The following FAM184A variants were observed in gnomAD, a reference collection of about 807,000 sequenced individuals.
The protein encoded by FAM184A is family with sequence similarity 184 member A.
A neutral mutation model predicts 143.8 loss-of-function variants in FAM184A; 99 were observed. The ratio of observed to expected loss-of-function variants is 0.69; its 90% CI spans 0.58 to 0.81. The LOEUF (loss-of-function observed/expected upper bound fraction) is 0.81, where lower values mean the gene tolerates loss of function less well. Ranked by LOEUF, FAM184A falls within the 40% of genes least tolerant of loss-of-function variation. The pLI, the probability that FAM184A is intolerant of heterozygous loss-of-function variation, is 0.00. For missense variants in FAM184A, 1,217 were observed against 1,310.5 expected (o/e 0.93, Z 1.10); for synonymous variants, 427 against 446.4 (o/e 0.96, Z 0.55).
Position 119,002,920 on chromosome 6 carries a change from T to C in FAM184A, c.2067A>G (p.Lys689=), listed in dbSNP as rs1562468513. 27 of 1,611,278 alleles carry C rather than the reference T, an allele frequency of 1.7e-5. No homozygotes were observed. Among genetic ancestry groups the C allele is most frequent in the Non-Finnish European group, 2.0e-5 (23 of 1,179,236 alleles). The change falls in exon 9 of 18, where the codon AAA becomes AAG. Residue 689 remains lysine, a synonymous_variant. Transcript: ENST00000338891. ...KNAARDSWQK[K]VEDLLNQISL... ...TTACCTGGTTTAAGAGATCTTCTAC[T>C]TTCTTCTGCCATGAATCTCTTGCTG...
chr6:119,140,219 G>T (rs574252203), intron 1 of FAM184A, among the ~76,000 whole-genome samples: 87 of 152,334 alleles, frequency 5.7e-4, no homozygotes, highest in Admixed American at 2.7e-3. Context: ...GTTGCCTTGG[G>T]TGTGGTAGGG....
chr6:119,121,705 T>A (rs948287084), intron 1 of FAM184A, among the ~76,000 whole-genome samples: 5 of 152,226 alleles, frequency 3.3e-5, no homozygotes, highest in African/African-American at 4.8e-5. Flanking sequence ...ATCAGCTATA[T>A]CACTTATATC....
At chr6:118,969,371 T>C (rs1583764050) in intron 14 of FAM184A, among the ~76,000 whole-genome samples, 1 of 152,198 alleles carries the variant, frequency 6.6e-6, no homozygotes, top group Non-Finnish European at 1.5e-5. Context: ...AATAGGAAAA[T>C]ATAATTGATT....
intron 1 of FAM184A, among the ~76,000 whole-genome samples, chr6:119,114,753 G>A (rs952455547): frequency 3.3e-5 from 5 of 152,198 alleles, no homozygotes; most frequent in Non-Finnish European, 5.9e-5. Flanking sequence ...TGTTGGCCAG[G>A]CTGGTCTTGA....
At chr6:119,106,387 C>T (rs940709804) in intron 1 of FAM184A, among the ~76,000 whole-genome samples, 6 of 151,984 alleles carry the variant, frequency 3.9e-5, no homozygotes, top group Non-Finnish European at 5.9e-5. Flanking sequence ...AGCGAGACTC[C>T]GTCTCAAAAC....
intron 1 of FAM184A, among the ~76,000 whole-genome samples, chr6:119,137,863 A>G (rs991588725): frequency 6.6e-5 from 10 of 152,206 alleles, no homozygotes; most frequent in African/African-American, 1.9e-4. Flanking sequence ...TCAGCTCCAC[A>G]GCAGTCACTG....
intron 1 of FAM184A, among the ~76,000 whole-genome samples, chr6:119,062,029 C>T (rs1459234607): frequency 2.0e-5 from 3 of 151,996 alleles, no homozygotes; most frequent in Non-Finnish European, 4.4e-5. Context: ...ATGGACTGAA[C>T]TGCTTGAGGC....
intron 3 of FAM184A, among the ~76,000 whole-genome samples, chr6:119,021,887 G>C (rs924595309): frequency 1.2e-4 from 18 of 152,018 alleles, no homozygotes; most frequent in African/African-American, 4.3e-4. Flanking sequence ...GAAGTGGGAG[G>C]ATCACTTGAG....
chr6:119,102,917 C>G (rs948562526), intron 1 of FAM184A, among the ~76,000 whole-genome samples: 7 of 151,776 alleles, frequency 4.6e-5, no homozygotes, highest in Non-Finnish European at 8.8e-5. Flanking sequence ...ATATAGTAGG[C>G]CTTGGTTTTC....
chr6:118,981,527 C>A (rs1031435287), intron 9 of FAM184A, among the ~76,000 whole-genome samples: 1 of 152,052 alleles, frequency 6.6e-6, no homozygotes, highest in African/African-American at 2.4e-5. Flanking sequence ...ACATAAGTTG[C>A]CTCACATGCG....
intron 14 of FAM184A, among the ~76,000 whole-genome samples, chr6:118,969,784 C>G (rs773185483): frequency 1.6e-4 from 24 of 145,572 alleles, no homozygotes; most frequent in Non-Finnish European, 3.5e-4. Flanking sequence ...TCTCCTCATG[C>G]TATCCCTCCC....
intron 1 of FAM184A, among the ~76,000 whole-genome samples, chr6:119,054,576 T>G (rs534463334): frequency 6.6e-6 from 1 of 152,296 alleles, no homozygotes; most frequent in East Asian, 1.9e-4. Context: ...CACTGGGGAT[T>G]AGATTTCAAC....
chr6:118,977,971 T>C (rs1783896680), intron 11 of FAM184A, among the ~76,000 whole-genome samples: 1 of 152,210 alleles, frequency 6.6e-6, no homozygotes, highest in African/African-American at 2.4e-5. Flanking sequence ...TATTTATTTA[T>C]TTATTTTTTG....
At chr6:119,099,925 C>T (rs1326861407) in intron 1 of FAM184A, among the ~76,000 whole-genome samples, 2 of 152,174 alleles carry the variant, frequency 1.3e-5, no homozygotes, top group Non-Finnish European at 2.9e-5. Flanking sequence ...GATTTGGGAT[C>T]TCCAGTTTAT....
At chr6:118,977,455 T>G (rs1783880728) in intron 11 of FAM184A, among the ~76,000 whole-genome samples, 1 of 152,044 alleles carries the variant, frequency 6.6e-6, no homozygotes, top group Non-Finnish European at 1.5e-5. Flanking sequence ...CAGCACACAC[T>G]TATAGTCCCA....
rs1348294423 is a variant in FAM184A, at chr6:118,966,892, C to T, written c.2976G>A (p.Met992Ile). The T allele has an allele frequency of 2.5e-6, 4 of 1,590,850 alleles. No homozygotes were observed. Among genetic ancestry groups the T allele is most frequent in the East Asian group, 2.2e-5 (1 of 44,490 alleles). The change falls in exon 15 of 18, where the codon ATG becomes ATA. Residue 992 changes from methionine to isoleucine, a missense_variant. Met to Ile is a conservative substitution (Grantham distance 10). Transcript: ENST00000338891. ...TAAGCATGGCTTTTAATTCTGTAATCATCTGTATATCTTCTGGTTTTGATT... is the reference window on the plus strand; with the variant it reads ...TAAGCATGGCTTTTAATTCTGTAATTATCTGTATATCTTCTGGTTTTGATT... ...MRESKPEDIQMITELKAMLTE... is the reference protein window; with the variant it reads ...MRESKPEDIQIITELKAMLTE...
intron 1 of FAM184A, among the ~76,000 whole-genome samples, chr6:119,139,311 G>T (rs1306246842): frequency 2.0e-5 from 3 of 152,162 alleles, no homozygotes; most frequent in Non-Finnish European, 4.4e-5. Flanking sequence ...AAAGTCAAGT[G>T]TCAAAACCAC....
chr6:118,996,813 T>G (rs1160299163), intron 9 of FAM184A, among the ~76,000 whole-genome samples: 1 of 151,620 alleles, frequency 6.6e-6, no homozygotes, highest in East Asian at 2.0e-4. Context: ...CTCCCGTGTT[T>G]AAGCCATTCT....
In FAM184A at chr6:119,000,496, G is replaced by T. The variant is rs186531235; in HGVS notation, c.2088+2403C>A. Among the ~76,000 whole-genome samples the T allele has an allele frequency of 2.7e-4, 41 of 152,304 alleles. No homozygotes were observed. In the Middle Eastern group the frequency reaches 0.01, roughly 38 times the overall value. ...AATAGCTTTTGGAAAATTCCATGAA[G>T]TGAAAAACATCTGATTCAAGTAAAA... On this transcript the variant is annotated intron_variant, in intron 9 of 17. Coordinates refer to ENST00000338891, the MANE Select transcript of FAM184A (RefSeq NM_024581.6).
Sources: allele counts gnomAD v4.1 joint callset (sites outside exome capture counted in the v4.1 genomes callset), GRCh38; gene constraint gnomAD v4.1.1; transcripts MANE v1.5; gene names NCBI Gene and HGNC (gene_info 2026-07-23, HGNC 2026-07-21).